Variants in MYO5B observed in about 807,000 individuals in gnomAD.
MYO5B encodes the protein unconventional myosin-Vb.
In MYO5B, 143 loss-of-function variants were observed where a neutral mutation model predicts 229.3. That is an observed-to-expected ratio of 0.62 (90% CI 0.54 to 0.72). The LOEUF (loss-of-function observed/expected upper bound fraction) is 0.72, where lower values mean the gene tolerates loss of function less well. Ranked by LOEUF, MYO5B falls within the 30% of genes least tolerant of loss-of-function variation. MYO5B has a pLI of 0.00. For missense variants in MYO5B, 2,321 were observed against 2,331.0 expected, an observed-to-expected ratio of 1.00 and a Z score of 0.09; for synonymous variants, 918 against 885.2, an observed-to-expected ratio of 1.04 and a Z score of -0.66.
chr18:50,057,081 T>C (rs550394433), intron 1 of MYO5B, among the ~76,000 whole-genome samples: 2 of 152,096 alleles, frequency 1.3e-5, no homozygotes, highest in Non-Finnish European at 2.9e-5. Context: ...AGCTCCAGAG[T>C]AAAATATAAG....
chr18:50,009,909 A>G (rs2026144439), intron 4 of MYO5B, among the ~76,000 whole-genome samples: 1 of 152,164 alleles, frequency 6.6e-6, no homozygotes, highest in Admixed American at 6.5e-5. Flanking sequence ...CCAAGGACTG[A>G]GCAGGTCCTG....
rs1320883901 is a variant in MYO5B, at chr18:50,040,180, G to C, written c.273C>G (p.Val91=). The stretch of plus-strand genomic sequence containing the variant: ...AGATATGGTTGGACTCCAGGAAACG[G>C]ACCTTCAAATTATGCAAAACTGCAG... ...HEPAVLHNLK[V]RFLESNHIYT... is the part of the protein sequence containing the mutation. Residue 91 remains valine, a synonymous_variant, in exon 3 of 40, where the codon GTC becomes GTG. Coordinates refer to ENST00000285039, the MANE Select transcript of MYO5B (RefSeq NM_001080467.3). The C allele has an allele frequency of 6.2e-7, 1 of 1,612,716 alleles. No individual in the cohort carries two copies. The highest frequency in any genetic ancestry group is 8.5e-7 in the Non-Finnish European group (1 of 1,179,580).
intron 4 of MYO5B, among the ~76,000 whole-genome samples, chr18:50,033,894 G>A (rs767983446): frequency 2.1e-4 from 31 of 150,062 alleles, no homozygotes; most frequent in Non-Finnish European, 3.8e-4. Context: ...AGCACTAGCA[G>A]TTCTCTCCTG....
intron 1 of MYO5B, among the ~76,000 whole-genome samples, chr18:50,075,933 C>T (rs1298853653): frequency 3.3e-5 from 5 of 152,192 alleles, no homozygotes; most frequent in Admixed American, 6.5e-5. Flanking sequence ...GGCCATGCCA[C>T]GCTGCAGAAT....
intron 16 of MYO5B, among the ~76,000 whole-genome samples, chr18:49,932,321 T>C (rs1323872850): frequency 1.3e-5 from 2 of 152,132 alleles, no homozygotes; most frequent in African/African-American, 4.8e-5. Flanking sequence ...GTTGGGGACA[T>C]CGGTTTTCTC....
Position 49,906,645 on chromosome 18 carries a change from G to A in MYO5B, c.2203-15C>T, listed in dbSNP as rs1249711437. ...TTGTCGGGGTCCTTTACAAGGTAGGGAGGGGATCTGGTTGGTCACCAGTGA... is the reference window on the plus strand; with the variant it reads ...TTGTCGGGGTCCTTTACAAGGTAGGAAGGGGATCTGGTTGGTCACCAGTGA... On this transcript the variant is annotated splice_polypyrimidine_tract_variant and intron_variant, in intron 18 of 39. Coordinates refer to ENST00000285039, the MANE Select transcript of MYO5B (RefSeq NM_001080467.3). 1 of 1,607,772 alleles carries A rather than the reference G, an allele frequency of 6.2e-7. No individual in the cohort carries two copies. Among genetic ancestry groups the A allele is most frequent in the Non-Finnish European group, 8.5e-7 (1 of 1,174,534 alleles).
chr18:49,914,190 G>A (rs1283247869), intron 17 of MYO5B, among the ~76,000 whole-genome samples: 3 of 152,164 alleles, frequency 2.0e-5, no homozygotes, highest in Non-Finnish European at 4.4e-5. Flanking sequence ...GGAGTCGCAG[G>A]CTCCCACCCC....
chr18:49,991,790 T>C (rs1382693975), intron 6 of MYO5B, among the ~76,000 whole-genome samples: 3 of 152,162 alleles, frequency 2.0e-5, no homozygotes, highest in Non-Finnish European at 4.4e-5. Flanking sequence ...AACCTGCACG[T>C]TCTGTACATG....
intron 29 of MYO5B, among the ~76,000 whole-genome samples, 165 bp downstream of exon 29, chr18:49,863,062 T>C (rs2024350158): frequency 6.6e-6 from 1 of 152,208 alleles, no homozygotes; most frequent in Non-Finnish European, 1.5e-5. Context: ...CTTGCTGAGC[T>C]AACAGTAGGG....
intron 39 of MYO5B, among the ~76,000 whole-genome samples, chr18:49,834,831 G>A (rs2144027726): frequency 6.6e-6 from 1 of 152,144 alleles, no homozygotes; most frequent in East Asian, 1.9e-4. Flanking sequence ...GTAGAGACCG[G>A]GTTTCACCGT....
chr18:49,900,384 C>T (rs2024828003), intron 21 of MYO5B, among the ~76,000 whole-genome samples: 1 of 152,212 alleles, frequency 6.6e-6, no homozygotes, highest in African/African-American at 2.4e-5. Flanking sequence ...CCTGTGCCCA[C>T]CCTGTGCCTG....
chr18:49,878,331 C>CTT (rs150305502), intron 24 of MYO5B, among the ~76,000 whole-genome samples: 1 of 150,406 alleles, frequency 6.6e-6, no homozygotes, highest in Non-Finnish European at 1.5e-5. Context: ...TTTAAAAATA[C>CTT]TTTTTTTTTT....
chr18:50,100,485 T>C (rs1281030335), intron 1 of MYO5B, among the ~76,000 whole-genome samples: 1 of 152,206 alleles, frequency 6.6e-6, no homozygotes, highest in Non-Finnish European at 1.5e-5. Flanking sequence ...TTCAACTATA[T>C]TCAAGTGAGA....
At chr18:50,132,865 C>T (rs565665157) in intron 1 of MYO5B, among the ~76,000 whole-genome samples, 1 of 152,360 alleles carries the variant, frequency 6.6e-6, no homozygotes, top group Admixed American at 6.5e-5. Flanking sequence ...TCATTTCACA[C>T]TGCTTTCCTC....
At chr18:49,919,197 C>A (rs1396645151) in intron 17 of MYO5B, among the ~76,000 whole-genome samples, 1 of 151,856 alleles carries the variant, frequency 6.6e-6, no homozygotes, top group African/African-American at 2.4e-5. Flanking sequence ...CAAAATGGAT[C>A]AAAGTCCTAA....
chr18:49,863,174 G>T, intron 29 of MYO5B, 53 bp downstream of exon 29: 1 of 1,393,094 alleles, frequency 7.2e-7, no homozygotes, highest in Non-Finnish European at 1.0e-6. Flanking sequence ...ACTCGTTTGG[G>T]CAGGGCCCTT....
intron 1 of MYO5B, among the ~76,000 whole-genome samples, chr18:50,131,310 C>T (rs76183080): frequency 0.2 from 30,796 of 152,118 alleles, 3,590 homozygotes; most frequent in Non-Finnish European, 0.27. Flanking sequence ...ACTTTGGCTA[C>T]CAGGAAGAAA....
chr18:49,989,265 T>C (rs1260801406), intron 7 of MYO5B, among the ~76,000 whole-genome samples: 3 of 152,208 alleles, frequency 2.0e-5, no homozygotes, highest in Admixed American at 6.5e-5. Flanking sequence ...CTGAAACCAC[T>C]TGATGGATTT....
intron 1 of MYO5B, among the ~76,000 whole-genome samples, chr18:50,066,470 C>A (rs1280485454): frequency 6.6e-6 from 1 of 152,174 alleles, no homozygotes; most frequent in Non-Finnish European, 1.5e-5. Flanking sequence ...ACCAGGTCTA[C>A]CAACTTTTTT....
Sources: gnomAD v4.1 joint callset for allele counts (sites outside exome capture counted in the v4.1 genomes callset) on GRCh38, gnomAD v4.1.1 for gene constraint, MANE v1.5 for transcripts, NCBI Gene and HGNC (gene_info 2026-07-23, HGNC 2026-07-21) for gene names.